Variants in ATP6V0B observed in about 807,000 individuals in gnomAD.
ATP6V0B encodes V-type proton ATPase 21 kDa proteolipid subunit c''.
A neutral mutation model predicts 26.2 loss-of-function variants in ATP6V0B; 4 were observed. The ratio of observed to expected loss-of-function variants is 0.15; its 90% CI spans 0.08 to 0.35. The LOEUF (loss-of-function observed/expected upper bound fraction) is 0.35. Among genes scored for constraint, ATP6V0B ranks in the 10% least tolerant of loss-of-function variants. ATP6V0B has a pLI of 1.00. For missense variants in ATP6V0B, 175 were observed against 272.5 expected, an observed-to-expected ratio of 0.64 and a Z score of 2.52; for synonymous variants, 110 against 105.8, an observed-to-expected ratio of 1.04 and a Z score of -0.24.
At position 43,975,861 on chromosome 1, in the gene ATP6V0B, A is replaced by T; in HGVS notation, c.116+13A>T. 1 of 1,587,510 alleles carries T rather than the reference A, an allele frequency of 6.3e-7. No individual in the cohort carries two copies. Among genetic ancestry groups the T allele is most frequent in the South Asian group, 1.1e-5 (1 of 87,858 alleles). ...TTGATGTGGCATGGTAAGGGAGGGC[A>T]GGGGGAGGATTCCCCTTGAAGCTTC... On this transcript the variant is annotated intron_variant, in intron 2 of 7. Coordinates refer to ENST00000472174, the MANE Select transcript of ATP6V0B (RefSeq NM_004047.5).
intron 1 of ATP6V0B, 111 bp from the exon 2 acceptor site, chr1:43,975,689 T>C: frequency 8.0e-7 from 1 of 1,244,844 alleles, no homozygotes; most frequent in Non-Finnish European, 1.2e-6. Flanking sequence ...GGGGGCAGCC[T>C]GAGGACGCCC....
rs751607900 is a variant in ATP6V0B at position 43,977,971 on chromosome 1, T to G, written c.592-10T>G. On this transcript the variant is annotated splice_polypyrimidine_tract_variant and intron_variant, in intron 7 of 7. Coordinates refer to ENST00000472174, the MANE Select transcript of ATP6V0B (RefSeq NM_004047.5). ...GTCCCTGCCTGATTTCTCCTGTTCT[T>G]TTTTTGCAGACCTCCAGAGTGAAGA... 1 of 1,614,202 alleles carries G rather than the reference T, an allele frequency of 6.2e-7. No individual in the cohort carries two copies. Among genetic ancestry groups the G allele is most frequent in the Non-Finnish European group, 8.5e-7 (1 of 1,180,036 alleles).
In ATP6V0B at chr1:43,978,143, G is replaced by C. The variant is rs1306607119; in HGVS notation, c.*136G>C. On this transcript the variant is annotated 3_prime_UTR_variant, in exon 8 of 8. Coordinates refer to ENST00000472174, the MANE Select transcript of ATP6V0B (RefSeq NM_004047.5). Reference sequence around the variant, plus strand: ...CTGCACTCCCCTCTTGCTGCGTGTTGATTTGGAGGCACTGCAGTCCAGGCC... The same window carrying C: ...CTGCACTCCCCTCTTGCTGCGTGTTCATTTGGAGGCACTGCAGTCCAGGCC... 1.5e-6 allele frequency: 2 copies of C among 1,314,178 alleles called. No homozygotes were observed. The allele number at this position is 1,314,178 out of a possible 1,614,324, so 81.4% of individuals were successfully genotyped here. A position where few individuals can be genotyped will look rare whatever the true frequency, so the allele number is the denominator to read the frequency against.
chr1:43,976,238 C>G lies in ATP6V0B; in HGVS notation c.201-64C>G, dbSNP rs2085518454. 2.5e-5 allele frequency: 40 copies of G among 1,609,408 alleles called. No individual in the cohort carries two copies. The highest frequency in any genetic ancestry group is 3.4e-5 in the Non-Finnish European group (40 of 1,175,976). ...TCATGGCAGGTGGTGTCACTGGGGTCTTAGGCATGCTGAGGGCAGTGACAG... is the reference window on the plus strand; with the variant it reads ...TCATGGCAGGTGGTGTCACTGGGGTGTTAGGCATGCTGAGGGCAGTGACAG... On this transcript the variant is annotated intron_variant, in intron 3 of 7. Transcript: ENST00000472174. The surrounding 1 kb of genome is among the most constrained non-coding windows in gnomAD (Gnocchi z 4.6).
In ATP6V0B at chr1:43,976,445, C is replaced by T; in HGVS notation, c.278+66C>T. The T allele has an allele frequency of 6.5e-7, 1 of 1,550,380 alleles. No individual in the cohort carries two copies. Among genetic ancestry groups the T allele is most frequent in the Non-Finnish European group, 8.8e-7 (1 of 1,130,820 alleles). ...TGTTGGCGCTGCCTGTGTGTTTGATCTGACATACTGTTTCTGACAAGCCAC... is the reference window on the plus strand; with the variant it reads ...TGTTGGCGCTGCCTGTGTGTTTGATTTGACATACTGTTTCTGACAAGCCAC... On this transcript the variant is annotated intron_variant, in intron 4 of 7. Transcript: ENST00000472174. The surrounding 1 kb of genome is among the most constrained non-coding windows in gnomAD (Gnocchi z 4.6).
At chr1:43,977,864 CAT>C in intron 7 of ATP6V0B, 115 bp from the exon 8 acceptor site, 1 of 1,609,708 alleles carries the variant, frequency 6.2e-7, no homozygotes. Flanking sequence ...CCTGGTTAGT[CAT>C]ATATCTCTTG....
At chr1:43,975,196 T>C (rs1025910230) in intron 1 of ATP6V0B, 89 bp downstream of exon 1, 2 of 1,346,336 alleles carry the variant, frequency 1.5e-6, no homozygotes, top group African/African-American at 1.5e-5. Flanking sequence ...CGGGGAATAC[T>C]GGCCCCCCGC....
chr1:43,977,666 AGTCT>A, intron 7 of ATP6V0B: 3 of 1,423,856 alleles, frequency 2.1e-6, no homozygotes, highest in Non-Finnish European at 2.7e-6. Flanking sequence ...GTGTGTGTCT[AGTCT>A]GTCTGACAGT....
At chr1:43,977,285 G>A (rs1488751778) in intron 7 of ATP6V0B, 69 bp downstream of exon 7, 2 of 1,613,688 alleles carry the variant, frequency 1.2e-6, no homozygotes, top group Non-Finnish European at 8.5e-7. Flanking sequence ...TTCTGGAGAA[G>A]CTGAAGTGCT....
chr1:43,977,430 T>C (rs2085533485), intron 7 of ATP6V0B: 6 of 1,464,350 alleles, frequency 4.1e-6, no homozygotes, highest in Non-Finnish European at 5.4e-6. Context: ...CTGTTCTTTT[T>C]CCCCCCTTTC....
rs1297943321 is a variant in ATP6V0B at position 43,977,435 on chromosome 1, C to A, written c.591+219C>A. On this transcript the variant is annotated intron_variant, in intron 7 of 7. Transcript: ENST00000472174. Reference sequence around the variant, plus strand: ...GACAACAGCCCTGTTCTTTTTCCCCCCTTTCTAATGCGTTGTATCTGTATA... The same window carrying A: ...GACAACAGCCCTGTTCTTTTTCCCCACTTTCTAATGCGTTGTATCTGTATA... The A allele has an allele frequency of 3.4e-6, 5 of 1,462,780 alleles. No individual in the cohort carries two copies. In the African/African-American group the frequency reaches 7.1e-5, roughly 21 times the overall value. The allele number at this position is 1,462,780 out of a possible 1,614,324, so 90.6% of individuals were successfully genotyped here. A position where few individuals can be genotyped will look rare whatever the true frequency, so the allele number is the denominator to read the frequency against.
rs756365609 is a variant in ATP6V0B at position 43,976,983 on chromosome 1, C to A, written c.401-43C>A. On this transcript the variant is annotated intron_variant, in intron 6 of 7. Coordinates refer to ENST00000472174, the MANE Select transcript of ATP6V0B (RefSeq NM_004047.5). The surrounding 1 kb of genome is among the most constrained non-coding windows in gnomAD (Gnocchi z 4.6). ...TGGCCCCATTAGCCCATATCTCCCC[C>A]ATTCCTGGCTTAGCCTCACTGCACC... The A allele has an allele frequency of 2.5e-6, 4 of 1,600,932 alleles. No individual in the cohort carries two copies. The highest frequency in any genetic ancestry group is 2.7e-5 in the African/African-American group (2 of 74,660).
At chr1:43,975,239 C>T in intron 1 of ATP6V0B, 132 bp downstream of exon 1, 2 of 1,123,562 alleles carry the variant, frequency 1.8e-6, no homozygotes. Flanking sequence ...GGGACTTGCG[C>T]CTGCGAGGGC....
Position 43,975,115 on chromosome 1 carries a change from C to G in ATP6V0B, c.67+8C>G. ...CCTGCGCGCTGGCCGTGGGTGAGGC[C>G]GGGTCCTGGCGGGCGGGAGCAGCAT... is the stretch of plus-strand genomic sequence containing the variant. On this transcript the variant is annotated splice_region_variant and intron_variant, in intron 1 of 7. Transcript: ENST00000472174. 1 of 1,410,614 alleles carries G rather than the reference C, an allele frequency of 7.1e-7. No individual in the cohort carries two copies. The highest frequency in any genetic ancestry group is 1.5e-5 in the South Asian group (1 of 65,460). The allele number at this position is 1,410,614 out of a possible 1,614,324, so 87.4% of individuals were successfully genotyped here.
intron 1 of ATP6V0B, chr1:43,975,436 G>T (rs556502211): frequency 4.1e-4 from 226 of 547,780 alleles, no homozygotes; most frequent in Non-Finnish European, 5.7e-4. Flanking sequence ...GGCTGCTCCG[G>T]TTCCTCTTTT....
rs573011195 is a variant in ATP6V0B at position 43,978,131 on chromosome 1, T to C, written c.*124T>C. The C allele has an allele frequency of 7.2e-7, 1 of 1,386,254 alleles. No homozygotes were observed. The highest frequency in any genetic ancestry group is 1.2e-5 in the South Asian group (1 of 85,590). 85.9% of individuals were successfully genotyped at this position (1,386,254 alleles called of 1,614,324 possible). A position where few individuals can be genotyped will look rare whatever the true frequency, so the allele number is the denominator to read the frequency against. Reference sequence around the variant, plus strand: ...TCAGGGCCCTCCCTGCACTCCCCTCTTGCTGCGTGTTGATTTGGAGGCACT... The same window carrying C: ...TCAGGGCCCTCCCTGCACTCCCCTCCTGCTGCGTGTTGATTTGGAGGCACT... On this transcript the variant is annotated 3_prime_UTR_variant, in exon 8 of 8. Coordinates refer to ENST00000472174, the MANE Select transcript of ATP6V0B (RefSeq NM_004047.5).
intron 2 of ATP6V0B, 37 bp downstream of exon 2, chr1:43,975,885 T>G: frequency 6.4e-7 from 1 of 1,562,184 alleles, no homozygotes. Flanking sequence ...CCTTGAAGCT[T>G]CTTCCCTGCA....
At chr1:43,975,307 G>C in intron 1 of ATP6V0B, 200 bp downstream of exon 1, 1 of 682,580 alleles carries the variant, frequency 1.5e-6, no homozygotes, top group Non-Finnish European at 2.5e-6. Context: ...GGTGCGGGCG[G>C]GTAGGGGCCG....
rs755334693 is a variant in ATP6V0B, at chr1:43,976,873, T to C, written c.400+49T>C. ...CAAAATGCTGGGACTTCATGCCTGC[T>C]TCCACTCTCCCCCATCCCAGCTTGG... On this transcript the variant is annotated intron_variant, in intron 6 of 7. Coordinates refer to ENST00000472174, the MANE Select transcript of ATP6V0B (RefSeq NM_004047.5). This position sits in a 1 kb window ranked among gnomAD's most constrained non-coding sequence, Gnocchi z 4.6. 1.2e-6 allele frequency: 2 copies of C among 1,609,494 alleles called. No individual in the cohort carries two copies. The highest frequency in any genetic ancestry group is 1.7e-5 in the Admixed American group (1 of 60,012).
Sources: gnomAD v4.1 joint callset for allele counts on GRCh38, gnomAD v4.1.1 for gene constraint, Gnocchi (gnomAD v3.1) non-coding constraint, MANE v1.5 for transcripts, NCBI Gene and HGNC (gene_info 2026-07-23, HGNC 2026-07-21) for gene names.